DCC: variants seen among roughly 807,000 people sequenced by gnomAD.
DCC encodes DCC netrin 1 receptor.
DCC carries 58 observed loss-of-function variants against 172.5 expected under a neutral mutation model. That is an observed-to-expected ratio of 0.34 (90% CI 0.27 to 0.42). The LOEUF is 0.42. DCC is among the 10% of genes least tolerant of loss of function. The probability of loss-of-function intolerance (pLI) is 1.00; values close to 1 mark genes in which losing one functional copy is unlikely to be tolerated. For synonymous variants in DCC, 709 were observed against 644.5 expected (o/e 1.10, Z -1.52); for missense variants, 1,740 against 1,791.0 (o/e 0.97, Z 0.51).
chr18:53,204,857 T>C (rs1165580652), intron 9 of DCC, among the ~76,000 whole-genome samples: 1 of 152,178 alleles, frequency 6.6e-6, no homozygotes, highest in Non-Finnish European at 1.5e-5. Flanking sequence ...CTGCAGTTAT[T>C]AGCCATGTGC....
At chr18:52,916,344 A>C (rs532234127) in intron 3 of DCC, among the ~76,000 whole-genome samples, 78 of 152,296 alleles carry the variant, frequency 5.1e-4, no homozygotes, top group Non-Finnish European at 8.5e-4. Flanking sequence ...TTCAAGGAAA[A>C]TAATATTTAC....
At chr18:53,126,553 A>G (rs191199947) in intron 7 of DCC, among the ~76,000 whole-genome samples, 2 of 152,142 alleles carry the variant, frequency 1.3e-5, no homozygotes, top group Non-Finnish European at 2.9e-5. Context: ...AAGTGGAGCT[A>G]TTTTGGAATA....
chr18:52,837,672 G>A (rs1184180162), intron 2 of DCC, among the ~76,000 whole-genome samples: 1 of 152,092 alleles, frequency 6.6e-6, no homozygotes, highest in Non-Finnish European at 1.5e-5. Context: ...CCTGTCTTCC[G>A]AGCCCTCCAA....
At chr18:53,292,160 G>T (rs1309805295) in intron 12 of DCC, among the ~76,000 whole-genome samples, 2 of 147,838 alleles carry the variant, frequency 1.4e-5, no homozygotes. Context: ...TCTGACATTT[G>T]GGGATCATTT....
intron 2 of DCC, among the ~76,000 whole-genome samples, chr18:52,905,502 A>G (rs967295897): frequency 2.0e-5 from 3 of 152,182 alleles, no homozygotes; most frequent in Admixed American, 1.3e-4. Context: ...GTAAACCCTA[A>G]AAGACAATCC....
intron 1 of DCC, among the ~76,000 whole-genome samples, chr18:52,598,664 T>C (rs536789301): frequency 1.3e-5 from 2 of 152,322 alleles, no homozygotes; most frequent in Non-Finnish European, 2.9e-5. Context: ...AATTTAAATA[T>C]GGAATTTGGT....
intron 27 of DCC, among the ~76,000 whole-genome samples, chr18:53,517,047 C>G (rs1877393477): frequency 7.0e-6 from 1 of 143,402 alleles, no homozygotes; most frequent in African/African-American, 2.7e-5. Context: ...TGGAACCAAC[C>G]CAAATGTCCA....
chr18:53,036,437 C>A (rs116135418), intron 5 of DCC, among the ~76,000 whole-genome samples: 2 of 152,126 alleles, frequency 1.3e-5, no homozygotes, highest in Admixed American at 6.6e-5. Context: ...AAATACCTAC[C>A]AGTTACATTA....
chr18:52,461,622 C>A (rs1988633196), intron 1 of DCC, among the ~76,000 whole-genome samples: 1 of 152,160 alleles, frequency 6.6e-6, no homozygotes, highest in Non-Finnish European at 1.5e-5. Context: ...CCTCACTAGG[C>A]CATAGGAATT....
At position 52,389,746 on chromosome 18, in the gene DCC, A is replaced by G. The variant is rs181972543; in HGVS notation, c.91+48868A>G. 2.8e-3 allele frequency among the ~76,000 whole-genome samples: 430 copies of G among 152,172 alleles called. 4 individuals carry two copies. The highest frequency in any genetic ancestry group is 0.024 in the Admixed American group (369 of 15,264). On this transcript the variant is annotated intron_variant, in intron 1 of 28. Coordinates refer to ENST00000442544, the MANE Select transcript of DCC (RefSeq NM_005215.4). ...ATCAATTATCTTGTTGGATCACTGA[A>G]TCTTTGAAGCTGTGTGCACCTCCCT... is the stretch of plus-strand genomic sequence containing the variant.
At chr18:53,129,387 A>G (rs1402565478) in intron 7 of DCC, among the ~76,000 whole-genome samples, 1 of 152,046 alleles carries the variant, frequency 6.6e-6, no homozygotes, top group East Asian at 1.9e-4. Flanking sequence ...AATTTTGACA[A>G]TTTTATATAC....
At chr18:52,417,008 T>G (rs547255383) in intron 1 of DCC, among the ~76,000 whole-genome samples, 2 of 152,178 alleles carry the variant, frequency 1.3e-5, no homozygotes, top group African/African-American at 2.4e-5. Flanking sequence ...CAGTGGCTGG[T>G]ACCGGTTGTT....
intron 9 of DCC, among the ~76,000 whole-genome samples, chr18:53,181,411 CTT>C (rs201013582): frequency 3.9e-4 from 50 of 128,898 alleles, no homozygotes; most frequent in Non-Finnish European, 3.9e-4. Flanking sequence ...AATTTTACTT[CTT>C]TTTTTTTTTT....
At chr18:53,512,980 G>C (rs536171249) in intron 27 of DCC, among the ~76,000 whole-genome samples, 219 of 152,130 alleles carry the variant, frequency 1.4e-3, no homozygotes, top group African/African-American at 2.4e-3. Context: ...GATACTCCTC[G>C]AGAAGAGCAA....
intron 5 of DCC, among the ~76,000 whole-genome samples, chr18:52,990,913 CAATT>C (rs1184688057): frequency 2.8e-5 from 4 of 141,330 alleles, no homozygotes; most frequent in Non-Finnish European, 4.6e-5. Flanking sequence ...ATGAGCCAAT[CAATT>C]AATTTAATCC....
chr18:53,341,808 C>G (rs1231368482), intron 15 of DCC, among the ~76,000 whole-genome samples: 2 of 152,098 alleles, frequency 1.3e-5, no homozygotes, highest in East Asian at 3.8e-4. Flanking sequence ...GTTCATGCTG[C>G]AAATAAATCA....
intron 1 of DCC, among the ~76,000 whole-genome samples, chr18:52,491,298 G>A (rs1373178464): frequency 1.3e-5 from 2 of 152,012 alleles, no homozygotes; most frequent in African/African-American, 2.4e-5. Flanking sequence ...GCAGTCTAAT[G>A]GAGGAGAAAT....
intron 5 of DCC, among the ~76,000 whole-genome samples, chr18:53,051,557 T>C (rs1354481727): frequency 6.6e-6 from 1 of 152,174 alleles, no homozygotes; most frequent in Non-Finnish European, 1.5e-5. Flanking sequence ...AGGTTTATTC[T>C]AGAAAGTGCT....
intron 15 of DCC, among the ~76,000 whole-genome samples, chr18:53,352,427 T>A (rs1291260984): frequency 6.6e-6 from 1 of 152,156 alleles, no homozygotes; most frequent in Non-Finnish European, 1.5e-5. Flanking sequence ...TTATGTCTTG[T>A]TGATGAATAC....
Sources: gnomAD v4.1 joint callset for allele counts (sites outside exome capture counted in the v4.1 genomes callset) on GRCh38, gnomAD v4.1.1 for gene constraint, MANE v1.5 for transcripts, NCBI Gene and HGNC (gene_info 2026-07-23, HGNC 2026-07-21) for gene names.